The following CCDC77 variants were observed in gnomAD, a reference collection of about 807,000 sequenced individuals.
CCDC77 encodes coiled-coil domain containing 77.
Under a neutral mutation model 66.8 loss-of-function variants are expected in CCDC77, and 56 were observed. The observed-to-expected ratio is 0.84, with a 90% confidence interval of 0.68 to 1.05. CCDC77 has a LOEUF of 1.05. Among genes scored for constraint, CCDC77 ranks in the 50% least tolerant of loss-of-function variants. The probability of loss-of-function intolerance (pLI) is 0.00; values close to 1 mark genes in which losing one functional copy is unlikely to be tolerated. For missense variants in CCDC77, 570 were observed against 576.8 expected, an observed-to-expected ratio of 0.99 and a Z score of 0.12; for synonymous variants, 196 against 195.2, an observed-to-expected ratio of 1.00 and a Z score of -0.03.
intron 5 of CCDC77, 76 bp from the exon 6 acceptor site, chr12:428,693 G>A: frequency 2.2e-6 from 2 of 922,976 alleles, no homozygotes; most frequent in Middle Eastern, 2.6e-4. Context: ...AAATAGAAGG[G>A]AGATCCTTTA....
In CCDC77 at chr12:415,433, C is replaced by T. The variant is rs200277330; in HGVS notation, c.271-3061C>T. ...ATGTTGATATTATTAACATAATTAA[C>T]ATAATAATATGTTAATATTAACATA... On this transcript the variant is annotated intron_variant, in intron 4 of 12. Coordinates refer to ENST00000239830, the MANE Select transcript of CCDC77 (RefSeq NM_032358.4). Among the ~76,000 whole-genome samples, 86 of 122,994 alleles carry T rather than the reference C, an allele frequency of 7.0e-4. 4 individuals carry two copies. Among genetic ancestry groups the T allele is most frequent in the Middle Eastern group, 8.1e-3 (2 of 246 alleles). The allele number at this position is 122,994 out of a possible 152,430, so 80.7% of individuals were successfully genotyped here.
chr12:423,470 G>GTGTGTT, intron 5 of CCDC77, among the ~76,000 whole-genome samples: 1 of 44,876 alleles, frequency 2.2e-5, no homozygotes, highest in South Asian at 9.8e-4. Context: ...TGTTTTTTGT[G>GTGTGTT]TTTTTTGTGT....
intron 5 of CCDC77, among the ~76,000 whole-genome samples, chr12:428,525 A>C (rs1945580397): frequency 6.6e-6 from 1 of 151,536 alleles, no homozygotes; most frequent in East Asian, 1.9e-4. Flanking sequence ...AAAAAAAAAA[A>C]AAAAAAAAAA....
In CCDC77 at chr12:433,412, C is replaced by T. The variant is rs1945687793; in HGVS notation, c.821+90C>T. ...ATTTTGTACTTGAACAACAGCGGGT[C>T]ATAGAACTAAAGGGAGCCTTGAAAA... On this transcript the variant is annotated intron_variant, in intron 9 of 12. Transcript: ENST00000239830. 2.6e-6 allele frequency: 4 copies of T among 1,538,964 alleles called. No individual in the cohort carries two copies. The East Asian group carries it at 9.2e-5, about 36-fold the overall frequency.
At chr12:408,744 A>AGATTT (rs1359721747) in intron 2 of CCDC77, among the ~76,000 whole-genome samples, 13 of 152,176 alleles carry the variant, frequency 8.5e-5, no homozygotes, top group African/African-American at 3.1e-4. Context: ...AAAAGATTGT[A>AGATTT]GATTTGTTTT....
rs148498329 is a variant in CCDC77 at position 440,913 on chromosome 12, C to T, written c.1237C>T (p.Arg413Cys). The T allele has an allele frequency of 8.7e-6, 14 of 1,613,582 alleles. No individual in the cohort carries two copies. In the African/African-American group the frequency reaches 9.3e-5, roughly 11 times the overall value. Reference protein sequence around the residue: ...TKRYEALERRRILEVEGFKTD... With the variant: ...TKRYEALERRCILEVEGFKTD... ...ACGCTATGAGGCATTGGAGCGTCGA[C>T]GTATCCTGGAAGTAGAAGGCTTTAA... is the stretch of plus-strand genomic sequence containing the variant. The change falls in exon 12 of 13, where the codon CGT becomes TGT. Residue 413 changes from arginine to cysteine, a missense_variant. By Grantham distance (180) the Arg-to-Cys change is radical. Transcript: ENST00000239830.
intron 4 of CCDC77, among the ~76,000 whole-genome samples, chr12:415,550 ATAT>A (rs562873699): frequency 3.6e-4 from 54 of 149,688 alleles, no homozygotes; most frequent in East Asian, 7.8e-4. Flanking sequence ...TAATATGTTG[ATAT>A]TATTAACATA....
chr12:413,220 G>A (rs1197895357), intron 4 of CCDC77, among the ~76,000 whole-genome samples: 3 of 149,264 alleles, frequency 2.0e-5, no homozygotes, highest in Non-Finnish European at 4.4e-5. Context: ...TTACAGGAGT[G>A]AGCAACCGTG....
Position 441,982 on chromosome 12 carries a change from G to A in CCDC77, c.*62G>A. ...TGTGCTTCTTGAAACCTGAGGACAA[G>A]GTCATCTGCTGCCAGAAAATGTAAA... On this transcript the variant is annotated 3_prime_UTR_variant, in exon 13 of 13. Coordinates refer to ENST00000239830, the MANE Select transcript of CCDC77 (RefSeq NM_032358.4). 6.4e-7 allele frequency: 1 copy of A among 1,561,380 alleles called. No individual in the cohort carries two copies.
At chr12:408,258 T>G (rs1945037486) in intron 2 of CCDC77, among the ~76,000 whole-genome samples, 2 of 152,212 alleles carry the variant, frequency 1.3e-5, no homozygotes, top group Admixed American at 1.3e-4. Flanking sequence ...CTGTCAATCA[T>G]ATAACATGGT....
chr12:418,794 G>C, intron 5 of CCDC77, 158 bp downstream of exon 5: 1 of 699,462 alleles, frequency 1.4e-6, no homozygotes, highest in South Asian at 1.9e-5. Flanking sequence ...CCACCTCCTG[G>C]TTCCAGCGAT....
chr12:409,120 G>T (rs533957788), intron 2 of CCDC77, among the ~76,000 whole-genome samples: 1 of 151,000 alleles, frequency 6.6e-6, no homozygotes, highest in African/African-American at 2.4e-5. Context: ...CAGGAGAATC[G>T]CTTGAACCCA....
intron 1 of CCDC77, among the ~76,000 whole-genome samples, chr12:393,326 C>T (rs552199299): frequency 1.3e-5 from 2 of 152,100 alleles, no homozygotes; most frequent in African/African-American, 4.8e-5. Flanking sequence ...GTTGCCCAGA[C>T]TGATCTCAAA....
At chr12:416,587 T>A (rs1591975117) in intron 4 of CCDC77, among the ~76,000 whole-genome samples, 1 of 150,036 alleles carries the variant, frequency 6.7e-6, no homozygotes, top group Non-Finnish European at 1.5e-5. Context: ...CTGATTTTTG[T>A]TTTTTTGGTA....
At chr12:408,249 T>C (rs1945037089) in intron 2 of CCDC77, among the ~76,000 whole-genome samples, 1 of 152,210 alleles carries the variant, frequency 6.6e-6, no homozygotes, top group African/African-American at 2.4e-5. Flanking sequence ...CTTCTGTCTC[T>C]GTCAATCATA....
At chr12:418,971 T>G in intron 5 of CCDC77, 1 of 230,326 alleles carries the variant, frequency 4.3e-6, no homozygotes, top group Non-Finnish European at 8.6e-6. Flanking sequence ...AGTGTTGGGA[T>G]TACAAGCGTG....
chr12:391,887 T>C (rs528494746), intron 1 of CCDC77, among the ~76,000 whole-genome samples: 1 of 152,366 alleles, frequency 6.6e-6, no homozygotes, highest in Non-Finnish European at 1.5e-5. Context: ...TTAACATCTC[T>C]GGTGCGAACA....
chr12:436,370 C>T (rs545306055), intron 9 of CCDC77, among the ~76,000 whole-genome samples: 3 of 151,796 alleles, frequency 2.0e-5, no homozygotes, highest in East Asian at 1.9e-4. Context: ...GTGATCTGCC[C>T]GCCTCGGCCT....
rs749755058 is a variant in CCDC77, at chr12:440,932, G to T, written c.1256G>T (p.Gly419Val). The T allele has an allele frequency of 6.2e-7, 1 of 1,613,602 alleles. No individual in the cohort carries two copies. Among genetic ancestry groups the T allele is most frequent in the South Asian group, 1.1e-5 (1 of 91,078 alleles). The stretch of plus-strand genomic sequence containing the variant: ...CGTCGACGTATCCTGGAAGTAGAAG[G>T]CTTTAAGACAGATATTAAAGTTCTC... ...LERRRILEVE[G>V]FKTDIKVLRQ... The change falls in exon 12 of 13, where the codon GGC becomes GTC. Residue 419 changes from glycine to valine, a missense_variant. Transcript: ENST00000239830.
Sources: allele counts gnomAD v4.1 joint callset (sites outside exome capture counted in the v4.1 genomes callset), GRCh38; gene constraint gnomAD v4.1.1; transcripts MANE v1.5; gene names NCBI Gene and HGNC (gene_info 2026-07-23, HGNC 2026-07-21).